Variants in DNAH7 observed in about 807,000 individuals in gnomAD.
DNAH7 encodes axonemal beta dynein heavy chain 7.
DNAH7 carries 397 observed loss-of-function variants against 444.6 expected under a neutral mutation model. The observed-to-expected ratio is 0.89, with a 90% CI of 0.82 to 0.97. The LOEUF is 0.97. Ranked by LOEUF, DNAH7 falls within the 50% of genes least tolerant of loss-of-function variation. DNAH7 has a pLI of 0.00. For synonymous variants in DNAH7, 1,636 were observed against 1,624.4 expected (o/e 1.01, Z -0.17); for missense variants, 4,902 against 4,800.8 (o/e 1.02, Z -0.62).
At chr2:195,935,320 AT>A (rs1406983024) in intron 20 of DNAH7, among the ~76,000 whole-genome samples, 3 of 152,186 alleles carry the variant, frequency 2.0e-5, no homozygotes, top group Non-Finnish European at 4.4e-5. Flanking sequence ...GACACAACTC[AT>A]TTTTGGCACA....
chr2:196,020,888 G>A (rs528930287), intron 8 of DNAH7, among the ~76,000 whole-genome samples: 1 of 151,948 alleles, frequency 6.6e-6, no homozygotes, highest in Non-Finnish European at 1.5e-5. Context: ...CTGGAATTAC[G>A]GGCGTAAGCC....
intron 2 of DNAH7, among the ~76,000 whole-genome samples, chr2:196,054,995 A>G (rs994057132): frequency 6.6e-5 from 10 of 152,202 alleles, no homozygotes; most frequent in Non-Finnish European, 1.0e-4. Flanking sequence ...TCATAGCAGC[A>G]TGAGAAGGAA....
intron 30 of DNAH7, chr2:195,893,357 C>T (rs1442506495): frequency 6.6e-6 from 1 of 152,418 alleles, no homozygotes. Flanking sequence ...GCCTCAGCCT[C>T]CCTAGAAGCT....
At chr2:195,954,580 C>T (rs1389681083) in intron 19 of DNAH7, among the ~76,000 whole-genome samples, 1 of 152,194 alleles carries the variant, frequency 6.6e-6, no homozygotes, top group Non-Finnish European at 1.5e-5. Context: ...ATTTCTAGTT[C>T]TAGATCCTTG....
intron 62 of DNAH7, among the ~76,000 whole-genome samples, chr2:195,755,340 A>G (rs1694020010): frequency 6.6e-6 from 1 of 152,198 alleles, no homozygotes; most frequent in Non-Finnish European, 1.5e-5. Flanking sequence ...GCCTTTAGAA[A>G]TATCAAGATA....
At chr2:195,906,569 T>C (rs1291985980) in intron 27 of DNAH7, 90 bp downstream of exon 27, 2 of 1,288,196 alleles carry the variant, frequency 1.6e-6, no homozygotes, top group Non-Finnish European at 2.1e-6. Flanking sequence ...GCTAGGATTA[T>C]AGGCGTTAGC....
At chr2:195,992,813 C>T (rs1013410658) in intron 12 of DNAH7, among the ~76,000 whole-genome samples, 20 of 152,190 alleles carry the variant, frequency 1.3e-4, no homozygotes, top group African/African-American at 4.1e-4. Flanking sequence ...CAACTTGGGA[C>T]GCCATTCCTG....
intron 25 of DNAH7, among the ~76,000 whole-genome samples, chr2:195,909,293 CATAA>C (rs1426499974): frequency 1.2e-4 from 18 of 152,022 alleles, no homozygotes. Flanking sequence ...TACAGAAAAA[CATAA>C]ATAAATATAT....
At chr2:195,867,672 A>G (rs1435553170) in intron 40 of DNAH7, among the ~76,000 whole-genome samples, 1 of 152,226 alleles carries the variant, frequency 6.6e-6, no homozygotes, top group Non-Finnish European at 1.5e-5. Flanking sequence ...TATGATATAA[A>G]TGAATCATAT....
rs189257440 is a variant in DNAH7 at position 195,824,366 on chromosome 2, C to T, written c.9180G>A (p.Gly3060=). ...AGTCCCCAAGCCGGATACATGTACT[C>T]CCACCCTGCTTAAAGGTTTGTTTTA... The part of the protein sequence containing the change: ...LLLKQTFKQG[G]STCIRLGDST... Residue 3060 remains glycine, a synonymous_variant, in exon 49 of 65, where the codon GGG becomes GGA. Coordinates refer to ENST00000312428, the MANE Select transcript of DNAH7 (RefSeq NM_018897.3). The T allele has an allele frequency of 5.6e-6, 9 of 1,613,726 alleles. No individual in the cohort carries two copies. The African/African-American group carries it at 8.0e-5, about 14-fold the overall frequency.
chr2:195,980,340 T>G (rs775114736), intron 15 of DNAH7, among the ~76,000 whole-genome samples: 31 of 152,184 alleles, frequency 2.0e-4, no homozygotes, highest in Non-Finnish European at 3.8e-4. Flanking sequence ...CATGTTTGCT[T>G]TCCCTTCTGC....
intron 18 of DNAH7, 135 bp from the exon 19 acceptor site, chr2:195,957,582 GTATATAATGTTATACAATTGTTATACATT>G (rs1690766466): frequency 6.8e-6 from 3 of 442,498 alleles, no homozygotes; most frequent in African/African-American, 4.7e-5. Flanking sequence ...ATACAATCTT[GTATATAATGTTATACAATTGTTATACATT>G]ATATACAATC....
chr2:195,945,309 A>T (rs1376192663), intron 19 of DNAH7, among the ~76,000 whole-genome samples: 1 of 152,166 alleles, frequency 6.6e-6, no homozygotes, highest in Non-Finnish European at 1.5e-5. Context: ...GGACTAAAGG[A>T]TAACACCATT....
chr2:196,054,444 C>T (rs939105417), intron 2 of DNAH7, among the ~76,000 whole-genome samples: 1 of 152,098 alleles, frequency 6.6e-6, no homozygotes, highest in Non-Finnish European at 1.5e-5. Context: ...ATTGCTTGAG[C>T]ACAGGAGGTG....
chr2:195,958,614 T>A (rs1299981812), intron 18 of DNAH7, among the ~76,000 whole-genome samples: 1 of 152,202 alleles, frequency 6.6e-6, no homozygotes, highest in East Asian at 1.9e-4. Context: ...GTGGCACTCA[T>A]GAGAAGGTGG....
At position 195,972,273 on chromosome 2, in the gene DNAH7, T is replaced by C; in HGVS notation, c.2027A>G (p.Glu676Gly). Reference protein sequence around the residue: ...IFEEHRKIIKEKIEQYQEGLK... With the variant: ...IFEEHRKIIKGKIEQYQEGLK... ...ACCTTCTTGATATTGTTCTATTTTCTCTTTAATGATTTTCCTGTGTTCTTC... is the reference window on the plus strand; with the variant it reads ...ACCTTCTTGATATTGTTCTATTTTCCCTTTAATGATTTTCCTGTGTTCTTC... The change falls in exon 16 of 65, where the codon GAG becomes GGG. Residue 676 changes from glutamate (E) to glycine (G), a missense_variant. Physicochemically the swap from Glu to Gly is moderately conservative, Grantham distance 98. Coordinates refer to ENST00000312428, the MANE Select transcript of DNAH7 (RefSeq NM_018897.3). The C allele has an allele frequency of 6.2e-7, 1 of 1,614,020 alleles. No homozygotes were observed. The highest frequency in any genetic ancestry group is 1.1e-5 in the South Asian group (1 of 91,086).
At chr2:196,021,783 C>A (rs1695397906) in intron 8 of DNAH7, among the ~76,000 whole-genome samples, 12 of 151,986 alleles carry the variant, frequency 7.9e-5, no homozygotes, top group Admixed American at 7.9e-4. Context: ...GATCATGCCA[C>A]TGCACTCCAA....
At chr2:195,922,627 G>C (rs2125352959) in intron 23 of DNAH7, among the ~76,000 whole-genome samples, 1 of 152,188 alleles carries the variant, frequency 6.6e-6, no homozygotes, top group Admixed American at 6.5e-5. Flanking sequence ...TTGTTTCCCA[G>C]GACGCTAGTT....
rs781542076 is a variant in DNAH7 at position 196,001,677 on chromosome 2, G to T, written c.1171C>A (p.Pro391Thr). The change falls in exon 11 of 65, where the codon CCA becomes ACA. Residue 391 changes from proline to threonine, a missense_variant and splice_region_variant. Physicochemically the swap from Pro to Thr is conservative, Grantham distance 38. Coordinates refer to ENST00000312428, the MANE Select transcript of DNAH7 (RefSeq NM_018897.3). ...TTGGTGAACTGAACCATACTTACTG[G>T]GGGTTGTGCAATTAAGTCCGTGAAA... is the stretch of plus-strand genomic sequence containing the variant. ...QDFTDLIAQP[P>T]DSVRAFEHPG... 6.5e-6 allele frequency: 10 copies of T among 1,548,546 alleles called. No homozygotes were observed. Among genetic ancestry groups the T allele is most frequent in the South Asian group, 1.3e-5 (1 of 78,876 alleles).
Sources: allele counts gnomAD v4.1 joint callset (sites outside exome capture counted in the v4.1 genomes callset), GRCh38; gene constraint gnomAD v4.1.1; transcripts MANE v1.5; gene names NCBI Gene and HGNC (gene_info 2026-07-23, HGNC 2026-07-21).